TXNDC9: variants seen among roughly 807,000 people sequenced by gnomAD.
The protein encoded by TXNDC9 is thioredoxin domain containing 9.
Under a neutral mutation model 23.0 loss-of-function variants are expected in TXNDC9, and 7 were observed. That is an observed-to-expected ratio of 0.30 (90% CI 0.17 to 0.57). The LOEUF is 0.57. Among genes scored for constraint, TXNDC9 ranks in the 20% least tolerant of loss-of-function variants. The pLI is 0.90. For synonymous variants in TXNDC9, 72 were observed against 90.6 expected (o/e 0.79, Z 1.17); for missense variants, 198 against 252.6 (o/e 0.78, Z 1.47).
At chr2:99,332,581 T>G (rs1184171065) in intron 2 of TXNDC9, among the ~76,000 whole-genome samples, 1 of 152,246 alleles carries the variant, frequency 6.6e-6, no homozygotes, top group African/African-American at 2.4e-5. Flanking sequence ...TTACAAAGCA[T>G]GCATTCTTTT....
At chr2:99,327,408 G>C (rs115994977) in intron 3 of TXNDC9, 127 bp downstream of exon 3, 8,758 of 700,882 alleles carry the variant, frequency 0.012, 72 homozygotes, top group Middle Eastern at 0.021. Flanking sequence ...ATATGAGAGA[G>C]TACAATGAAA....
chr2:99,317,020 T>G (rs1162385795), downstream of TXNDC9, among the ~76,000 whole-genome samples: 3 of 152,186 alleles, frequency 2.0e-5, no homozygotes, highest in Non-Finnish European at 4.4e-5. Flanking sequence ...CCTCCCAAAG[T>G]GCTGGGATTA....
At chr2:99,317,242 C>G (rs1211240815), downstream of TXNDC9, among the ~76,000 whole-genome samples, 1 of 152,144 alleles carries the variant, frequency 6.6e-6, no homozygotes, top group South Asian at 2.1e-4. Flanking sequence ...CTTTTTCGCT[C>G]CTTGTATGGA....
the TXNDC9 span, among the ~76,000 whole-genome samples, chr2:99,313,467 A>G: frequency 3.8e-3 from 576 of 152,264 alleles, 4 homozygotes; most frequent in Non-Finnish European, 6.6e-3. Context: ...CCCTAAATAA[A>G]TGCCTGTAAT....
intron 2 of TXNDC9, among the ~76,000 whole-genome samples, chr2:99,330,558 G>C (rs1336923994): frequency 6.6e-6 from 1 of 152,014 alleles, no homozygotes; most frequent in Non-Finnish European, 1.5e-5. Context: ...CTGAGGCATG[G>C]CAGCTGGGCA....
chr2:99,311,332 G>T, the TXNDC9 span, among the ~76,000 whole-genome samples: 5 of 151,946 alleles, frequency 3.3e-5, no homozygotes, highest in Non-Finnish European at 7.4e-5. Context: ...CTGTCTTCCA[G>T]ACTGGTTTGC....
the TXNDC9 span, among the ~76,000 whole-genome samples, chr2:99,309,834 T>C: frequency 0.83 from 126,385 of 152,056 alleles, 53,134 homozygotes; most frequent in Middle Eastern, 0.97. Context: ...TACAGGCATG[T>C]ACCACCACGC....
chr2:99,334,835 C>T (rs1422930523), intron 1 of TXNDC9, among the ~76,000 whole-genome samples: 2 of 152,208 alleles, frequency 1.3e-5, no homozygotes, highest in Non-Finnish European at 2.9e-5. Context: ...CCTCAGCCTC[C>T]CGAGTAGCCG....
chr2:99,307,047 C>G, the TXNDC9 span, among the ~76,000 whole-genome samples: 1 of 133,034 alleles, frequency 7.5e-6, no homozygotes, highest in African/African-American at 2.8e-5. Context: ...TTCTTTCTTC[C>G]TTCCCTTCCT....
downstream of TXNDC9, among the ~76,000 whole-genome samples, chr2:99,316,376 T>A (rs2094189080): frequency 1.3e-5 from 2 of 152,116 alleles, no homozygotes; most frequent in Non-Finnish European, 2.9e-5. Context: ...TCTCACTATA[T>A]TGCCCAGGCT....
At chr2:99,317,148 G>A (rs940652367), downstream of TXNDC9, among the ~76,000 whole-genome samples, 6 of 151,928 alleles carry the variant, frequency 3.9e-5, no homozygotes, top group Non-Finnish European at 1.5e-5. Flanking sequence ...GTTTCCTTTA[G>A]TTTTTTTTGG....
At chr2:99,318,409 T>C (rs898895733), downstream of TXNDC9, among the ~76,000 whole-genome samples, 2 of 151,424 alleles carry the variant, frequency 1.3e-5, no homozygotes, top group Non-Finnish European at 2.9e-5. Flanking sequence ...CTCTTGACCT[T>C]GTGATCCACC....
chr2:99,322,715 T>C (rs2094205350), intron 3 of TXNDC9: 2 of 1,441,984 alleles, frequency 1.4e-6, no homozygotes, highest in South Asian at 1.5e-5. Flanking sequence ...TAAATAAATG[T>C]GGCCATTATG....
At chr2:99,322,847 C>T (rs1417225479) in intron 3 of TXNDC9, 24 of 629,530 alleles carry the variant, frequency 3.8e-5, no homozygotes, top group East Asian at 2.3e-4. Context: ...CTGCAAGCTC[C>T]GCCTCCCTGG....
chr2:99,318,747 G>A (rs1028781143), downstream of TXNDC9, among the ~76,000 whole-genome samples: 2 of 152,196 alleles, frequency 1.3e-5, no homozygotes, highest in African/African-American at 4.8e-5. Flanking sequence ...CTGGGTTAGA[G>A]TTTCTGTGCT....
chr2:99,313,410 T>C, the TXNDC9 span, among the ~76,000 whole-genome samples: 1 of 152,078 alleles, frequency 6.6e-6, no homozygotes, highest in Non-Finnish European at 1.5e-5. Flanking sequence ...TAGAATATGG[T>C]GATATATAGT....
intron 3 of TXNDC9, among the ~76,000 whole-genome samples, chr2:99,323,602 G>C (rs2094207214): frequency 6.6e-6 from 1 of 151,784 alleles, no homozygotes; most frequent in South Asian, 2.1e-4. Flanking sequence ...TGGGCGTCAT[G>C]ATGGGCACCT....
chr2:99,327,415 G>T, intron 3 of TXNDC9, 120 bp downstream of exon 3: 2 of 741,416 alleles, frequency 2.7e-6, no homozygotes, highest in Non-Finnish European at 4.6e-6. Flanking sequence ...AGAGTACAAT[G>T]AAACAACTTA....
the TXNDC9 span, among the ~76,000 whole-genome samples, chr2:99,313,924 A>G: frequency 6.6e-6 from 1 of 152,298 alleles, no homozygotes; most frequent in East Asian, 1.9e-4. Context: ...GTAACAATAC[A>G]TCATGGGTTT....
Sources: allele counts gnomAD v4.1 joint callset (sites outside exome capture counted in the v4.1 genomes callset), GRCh38; gene constraint gnomAD v4.1.1; transcripts MANE v1.5; gene names NCBI Gene and HGNC (gene_info 2026-07-23, HGNC 2026-07-21).